The following CHRM3 variants were observed in gnomAD, a reference collection of about 807,000 sequenced individuals.
CHRM3 encodes the protein muscarinic acetylcholine receptor M3.
A neutral mutation model predicts 41.8 loss-of-function variants in CHRM3; 11 were observed. That is an observed-to-expected ratio of 0.26 (90% CI 0.17 to 0.44). The LOEUF is 0.44. Among genes scored for constraint, CHRM3 ranks in the 20% least tolerant of loss-of-function variants. The pLI is 1.00. For synonymous variants in CHRM3, 297 were observed against 301.4 expected, an observed-to-expected ratio of 0.99 and a Z score of 0.15; for missense variants, 571 against 745.4, an observed-to-expected ratio of 0.77 and a Z score of 2.72.
At chr1:239,631,429 ACTTCAAGGTCCTC>A (rs963457008) in intron 3 of CHRM3, among the ~76,000 whole-genome samples, 9 of 152,058 alleles carry the variant, frequency 5.9e-5, no homozygotes, top group Non-Finnish European at 1.2e-4. Flanking sequence ...TGCTGTGCAA[ACTTCAAGGTCCTC>A]CTTTAAAAAA....
rs2102886299 is a variant in CHRM3 at position 239,386,733 on chromosome 1, T to C, written c.-1015T>C. On this transcript the variant is annotated 5_prime_UTR_variant, in exon 1 of 7. Coordinates refer to ENST00000676153, the MANE Select transcript of CHRM3 (RefSeq NM_001375978.1). ...CCTTGGAGCGCCTTCTCTCTGCTTTTGGAGAAAGGGAATACACGATAAAGA... is the reference window on the plus strand; with the variant it reads ...CCTTGGAGCGCCTTCTCTCTGCTTTCGGAGAAAGGGAATACACGATAAAGA... 6.6e-6 allele frequency: 1 copy of C among 152,360 alleles called. No individual in the cohort carries two copies. The highest frequency in any genetic ancestry group is 2.4e-5 in the African/African-American group (1 of 41,498). The allele number at this position is 152,360 out of a possible 1,614,324, so 9.4% of individuals were successfully genotyped here.
At chr1:239,442,604 G>C (rs139904132) in intron 1 of CHRM3, among the ~76,000 whole-genome samples, 46 of 152,272 alleles carry the variant, frequency 3.0e-4, no homozygotes, top group African/African-American at 9.6e-4. Context: ...CAGACTCTTT[G>C]AGGTTGTTCT....
At chr1:239,525,036 G>C (rs1055146416) in intron 2 of CHRM3, among the ~76,000 whole-genome samples, 4 of 151,834 alleles carry the variant, frequency 2.6e-5, no homozygotes, top group Non-Finnish European at 5.9e-5. Flanking sequence ...CGTGTGTTTC[G>C]CCTCATTTTT....
At chr1:239,428,652 C>T (rs999236959) in intron 1 of CHRM3, among the ~76,000 whole-genome samples, 1 of 152,134 alleles carries the variant, frequency 6.6e-6, no homozygotes, top group Non-Finnish European at 1.5e-5. Flanking sequence ...TGACACCTTA[C>T]CAAAAGATTA....
At chr1:239,480,543 A>ATTTTGTTTTTTTTTTTTTTTTTTT (rs1558254333) in intron 1 of CHRM3, among the ~76,000 whole-genome samples, 1 of 110,718 alleles carries the variant, frequency 9.0e-6, no homozygotes. Flanking sequence ...CGATAGCCCA[A>ATTTTGTTTTTTTTTTTTTTTTTTT]TTTTTTTTTT....
At chr1:239,445,794 C>T (rs2103282796) in intron 1 of CHRM3, among the ~76,000 whole-genome samples, 1 of 152,244 alleles carries the variant, frequency 6.6e-6, no homozygotes, top group East Asian at 1.9e-4. Context: ...ATGCTATCTA[C>T]TCAGCAGGGG....
chr1:239,587,017 C>T (rs1312475363), intron 3 of CHRM3, among the ~76,000 whole-genome samples: 1 of 152,212 alleles, frequency 6.6e-6, no homozygotes, highest in African/African-American at 2.4e-5. Flanking sequence ...ACTCCTCAAG[C>T]CTATTCCTTC....
intron 3 of CHRM3, among the ~76,000 whole-genome samples, chr1:239,559,003 G>A (rs771674161): frequency 3.9e-5 from 6 of 152,132 alleles, no homozygotes; most frequent in Non-Finnish European, 7.3e-5. Context: ...GAATTTTTGT[G>A]CCCAAAAACA....
intron 4 of CHRM3, among the ~76,000 whole-genome samples, chr1:239,675,561 CT>C (rs1657916038): frequency 6.6e-6 from 1 of 152,112 alleles, no homozygotes; most frequent in Non-Finnish European, 1.5e-5. Flanking sequence ...TCATTGTTGT[CT>C]GGAAATTGGT....
intron 5 of CHRM3, among the ~76,000 whole-genome samples, chr1:239,684,910 G>T (rs754601971): frequency 6.6e-6 from 1 of 152,216 alleles, no homozygotes; most frequent in Non-Finnish European, 1.5e-5. Flanking sequence ...GGGGGTGTTT[G>T]TAGGTGAACC....
intron 6 of CHRM3, among the ~76,000 whole-genome samples, chr1:239,847,945 A>AGGAGG (rs60288158): frequency 5.7e-5 from 8 of 140,866 alleles, no homozygotes; most frequent in East Asian, 2.2e-4. Flanking sequence ...AAGAGAAGAG[A>AGGAGG]GGAGGGGAGG....
chr1:239,731,886 G>A (rs1032727037), intron 5 of CHRM3, among the ~76,000 whole-genome samples: 16 of 151,900 alleles, frequency 1.1e-4, no homozygotes, highest in Non-Finnish European at 4.4e-5. Flanking sequence ...TTAACCATAT[G>A]TGCTTGCATT....
chr1:239,567,123 G>A (rs1175028525), intron 3 of CHRM3, among the ~76,000 whole-genome samples: 1 of 152,070 alleles, frequency 6.6e-6, no homozygotes, highest in African/African-American at 2.4e-5. Context: ...TATTGAAAAT[G>A]TTTAAGAATT....
At position 239,882,077 on chromosome 1, in the gene CHRM3, TG is replaced by T. The variant is rs1572582235; in HGVS notation, c.-19-25355del. Among the ~76,000 whole-genome samples the T allele has an allele frequency of 3.3e-5, 5 of 152,176 alleles. No homozygotes were observed. In the East Asian group the frequency reaches 9.7e-4, roughly 30 times the overall value. On this transcript the variant is annotated intron_variant, in intron 6 of 6. Coordinates refer to ENST00000676153, the MANE Select transcript of CHRM3 (RefSeq NM_001375978.1). ...CCCGCCACCATGCCCCGCTAATTTT[TG>T]TATTTTTTTAGTAGAGATGGGGTTT...
At chr1:239,724,074 A>C (rs2148361828) in intron 5 of CHRM3, among the ~76,000 whole-genome samples, 1 of 151,060 alleles carries the variant, frequency 6.6e-6, no homozygotes, top group East Asian at 2.0e-4. Context: ...TTTTTTTTCC[A>C]TCCAAGTCAA....
At chr1:239,809,201 T>C (rs1465297438) in intron 5 of CHRM3, among the ~76,000 whole-genome samples, 1 of 151,340 alleles carries the variant, frequency 6.6e-6, no homozygotes, top group Non-Finnish European at 1.5e-5. Context: ...TTTGTATTTT[T>C]AGTAGAGAAG....
rs1053549949 is a variant in CHRM3 at position 239,447,772 on chromosome 1, G to A, written c.-520-44937G>A. Among the ~76,000 whole-genome samples, 11 of 150,024 alleles carry A rather than the reference G, an allele frequency of 7.3e-5. No individual in the cohort carries two copies. In the South Asian group the frequency reaches 1.1e-3, roughly 15 times the overall value. On this transcript the variant is annotated intron_variant, in intron 1 of 6. Coordinates refer to ENST00000676153, the MANE Select transcript of CHRM3 (RefSeq NM_001375978.1). ...GCCTGGGCGAAAAGAGCGAAATTCTGTCTCAAAAAAACAAACAAACAAACA... is the reference window on the plus strand; with the variant it reads ...GCCTGGGCGAAAAGAGCGAAATTCTATCTCAAAAAAACAAACAAACAAACA...
In CHRM3 at chr1:239,719,455, A is replaced by G. The variant is rs1224732293; in HGVS notation, c.-147+41167A>G. On this transcript the variant is annotated intron_variant, in intron 5 of 6. Transcript: ENST00000676153. ...GGTGATTACAGTTTCCACTGCTTGG[A>G]GCTTTCTGTATATTTATCCTTGGAT... 2.0e-5 allele frequency: 3 copies of G among 151,932 alleles called. No homozygotes were observed. The East Asian group carries it at 5.8e-4, about 29-fold the overall frequency. 9.4% of individuals were successfully genotyped at this position (151,932 alleles called of 1,614,324 possible).
At chr1:239,633,720 C>T (rs1670125425) in intron 4 of CHRM3, among the ~76,000 whole-genome samples, 3 of 151,708 alleles carry the variant, frequency 2.0e-5, no homozygotes, top group South Asian at 2.1e-4. Flanking sequence ...CACACCCCTC[C>T]CCCACCCACC....
Sources: allele counts gnomAD v4.1 joint callset (sites outside exome capture counted in the v4.1 genomes callset), GRCh38; gene constraint gnomAD v4.1.1; transcripts MANE v1.5; gene names NCBI Gene and HGNC (gene_info 2026-07-23, HGNC 2026-07-21).